TUSC3: variants seen among roughly 807,000 people sequenced by gnomAD.
The protein encoded by TUSC3 is dolichyl-diphosphooligosaccharide--protein glycosyltransferase subunit TUSC3.
In TUSC3, 45 loss-of-function variants were observed where a neutral mutation model predicts 44.8. That is an observed-to-expected ratio of 1.00 (90% confidence interval 0.79 to 1.29). TUSC3 has a LOEUF of 1.29. Ranked by LOEUF, TUSC3 falls within the 50% of genes most tolerant of loss-of-function variation. TUSC3 has a pLI of 0.00. For missense variants in TUSC3, 519 were observed against 437.9 expected, an observed-to-expected ratio of 1.19 and a Z score of -1.65; for synonymous variants, 212 against 152.9, an observed-to-expected ratio of 1.39 and a Z score of -2.85.
At chr8:15,489,392 C>A (rs1800776971) in intron 2 of TUSC3, among the ~76,000 whole-genome samples, 1 of 152,130 alleles carries the variant, frequency 6.6e-6, no homozygotes, top group South Asian at 2.1e-4. Context: ...CACAGATGGC[C>A]ACCCTTAGAG....
chr8:15,779,717 A>G, the TUSC3 span, among the ~76,000 whole-genome samples: 1 of 152,220 alleles, frequency 6.6e-6, no homozygotes, highest in Admixed American at 6.5e-5. Flanking sequence ...TAAAAAGATC[A>G]GCTATTTTTG....
intron 1 of TUSC3, among the ~76,000 whole-genome samples, chr8:15,449,621 A>G (rs1414107883): frequency 2.0e-5 from 3 of 152,150 alleles, no homozygotes; most frequent in South Asian, 2.1e-4. Context: ...GGGAGGGAGT[A>G]TAATGAGGCG....
chr8:15,582,019 C>T (rs565287652), intron 1 of TUSC3, among the ~76,000 whole-genome samples: 25 of 152,146 alleles, frequency 1.6e-4, no homozygotes, highest in South Asian at 1.2e-3. Context: ...TGGTGCGCCG[C>T]TTTTTAAGCC....
At chr8:15,546,205 C>A (rs1801859121) in intron 1 of TUSC3, among the ~76,000 whole-genome samples, 1 of 151,884 alleles carries the variant, frequency 6.6e-6, no homozygotes, top group Non-Finnish European at 1.5e-5. Flanking sequence ...TGCAGCTTCT[C>A]AAACTGAGCA....
intron 4 of TUSC3, among the ~76,000 whole-genome samples, chr8:15,660,907 A>C (rs1456064335): frequency 1.0e-4 from 15 of 149,848 alleles, no homozygotes; most frequent in Non-Finnish European, 1.5e-4. Flanking sequence ...CTTTTGTTAA[A>C]AAAAAAAAAA....
intron 6 of TUSC3, among the ~76,000 whole-genome samples, chr8:15,696,556 C>T (rs376326670): frequency 2.0e-5 from 3 of 152,058 alleles, no homozygotes; most frequent in Non-Finnish European, 4.4e-5. Context: ...AGAGGGCCAC[C>T]GTCCTCCAGA....
At chr8:15,775,030 A>C in the TUSC3 span, among the ~76,000 whole-genome samples, 7 of 152,186 alleles carry the variant, frequency 4.6e-5, no homozygotes, top group Non-Finnish European at 1.0e-4. Context: ...TGTTCATATC[A>C]CTATTCACAA....
At chr8:15,835,409 T>C in the TUSC3 span, among the ~76,000 whole-genome samples, 4 of 152,266 alleles carry the variant, frequency 2.6e-5, no homozygotes, top group East Asian at 7.7e-4. Flanking sequence ...ATATCATTAG[T>C]TCACACTTTT....
At chr8:15,519,033 C>T (rs116382870) in intron 2 of TUSC3, among the ~76,000 whole-genome samples, 2,699 of 152,160 alleles carry the variant, frequency 0.018, 79 homozygotes, top group African/African-American at 0.062. Flanking sequence ...ACAACAAAAA[C>T]ATTATTACAA....
chr8:15,732,983 A>G (rs1387045749), intron 7 of TUSC3, among the ~76,000 whole-genome samples: 1 of 152,184 alleles, frequency 6.6e-6, no homozygotes, highest in East Asian at 1.9e-4. Context: ...AAATTAAGAA[A>G]CTACTGTGAG....
chr8:15,749,042 G>A (rs1161474017), intron 9 of TUSC3, among the ~76,000 whole-genome samples: 4 of 152,050 alleles, frequency 2.6e-5, no homozygotes, highest in African/African-American at 9.7e-5. Context: ...TACAGAAGAG[G>A]TGCCCGATTA....
intron 6 of TUSC3, among the ~76,000 whole-genome samples, chr8:15,705,796 A>G (rs564705383): frequency 5.3e-4 from 80 of 152,132 alleles, no homozygotes; most frequent in South Asian, 8.3e-4. Flanking sequence ...GTTTGTAGGT[A>G]TTACAGAAAT....
intron 6 of TUSC3, among the ~76,000 whole-genome samples, chr8:15,721,181 TAC>T (rs1810293401): frequency 6.6e-6 from 1 of 152,064 alleles, no homozygotes; most frequent in Non-Finnish European, 1.5e-5. Context: ...GAAAATGAAT[TAC>T]AGAGTGGTTA....
intron 3 of TUSC3, 32 bp downstream of exon 3, chr8:15,650,846 C>G (rs763622417): frequency 2.5e-6 from 4 of 1,587,528 alleles, no homozygotes; most frequent in Non-Finnish European, 3.5e-6. Context: ...ATATATTTAA[C>G]ATAGTTGTTT....
chr8:15,509,812 A>T (rs1395698120), intron 2 of TUSC3, among the ~76,000 whole-genome samples: 1 of 152,166 alleles, frequency 6.6e-6, no homozygotes, highest in Non-Finnish European at 1.5e-5. Flanking sequence ...GATGAATGTG[A>T]ATCTATGAGG....
chr8:15,423,979 T>G (rs1404834635), intron 1 of TUSC3, among the ~76,000 whole-genome samples: 2,002 of 109,980 alleles, frequency 0.018, 228 homozygotes, highest in African/African-American at 0.05. Flanking sequence ...GTTTTTTTTT[T>G]TTTTTTTTTT....
At position 15,719,516 on chromosome 8, in the gene TUSC3, C is replaced by CCACACACACA. The variant is rs56066329; in HGVS notation, c.799-11127_799-11118dup. Among the ~76,000 whole-genome samples, 22 of 16,244 alleles carry CCACACACACA rather than the reference C, an allele frequency of 1.4e-3. No homozygotes were observed. In the South Asian group the frequency reaches 0.023, roughly 17 times the overall value. The allele number at this position is 16,244 out of a possible 152,430, so 10.7% of individuals were successfully genotyped here. A position where few individuals can be genotyped will look rare whatever the true frequency, so the allele number is the denominator to read the frequency against. On this transcript the variant is annotated intron_variant, in intron 6 of 10. Coordinates refer to ENST00000503731, the MANE Select transcript of TUSC3 (RefSeq NM_006765.4). ...TTCATCACACACACACACACACACACCACACACACACACACACACACACAC... is the reference window on the plus strand; with the variant it reads ...TTCATCACACACACACACACACACACCACACACACACACACACACACACACACACACACAC...
At chr8:15,665,663 C>T (rs1807623739) in intron 5 of TUSC3, among the ~76,000 whole-genome samples, 3 of 150,606 alleles carry the variant, frequency 2.0e-5, no homozygotes, top group South Asian at 2.1e-4. Flanking sequence ...AAATATATTA[C>T]TTTGCAATAT....
the TUSC3 span, among the ~76,000 whole-genome samples, chr8:15,801,055 G>C: frequency 3.3e-5 from 5 of 152,288 alleles, no homozygotes; most frequent in Non-Finnish European, 5.9e-5. Context: ...AAAGAATTCA[G>C]GGTGAGTTTG....
Sources: gnomAD v4.1 joint callset for allele counts (sites outside exome capture counted in the v4.1 genomes callset) on GRCh38, gnomAD v4.1.1 for gene constraint, MANE v1.5 for transcripts, NCBI Gene and HGNC (gene_info 2026-07-23, HGNC 2026-07-21) for gene names.